SLC9A3: variants seen among roughly 807,000 people sequenced by gnomAD.
SLC9A3 encodes the protein sodium/hydrogen exchanger 3.
Under a neutral mutation model 86.8 loss-of-function variants are expected in SLC9A3, and 37 were observed. That is an observed-to-expected ratio of 0.43 (90% CI 0.33 to 0.56). The LOEUF (loss-of-function observed/expected upper bound fraction) is 0.56, where lower values mean the gene tolerates loss of function less well. Ranked by LOEUF, SLC9A3 falls within the 20% of genes least tolerant of loss-of-function variation. The pLI, the probability that SLC9A3 is intolerant of heterozygous loss-of-function variation, is 0.06. For missense variants in SLC9A3, 1,011 were observed against 1,171.9 expected, an observed-to-expected ratio of 0.86 and a Z score of 2.00; for synonymous variants, 581 against 528.3, an observed-to-expected ratio of 1.10 and a Z score of -1.37.
chr5:502,124 C>T (rs1420802078), intron 1 of SLC9A3, among the ~76,000 whole-genome samples: 1 of 152,266 alleles, frequency 6.6e-6, no homozygotes, highest in East Asian at 1.9e-4. Flanking sequence ...ATGTTGCCCA[C>T]GGTTCCCTAG....
intron 1 of SLC9A3, among the ~76,000 whole-genome samples, chr5:494,789 C>T (rs1476014711): frequency 6.6e-6 from 1 of 152,216 alleles, no homozygotes; most frequent in Non-Finnish European, 1.5e-5. Flanking sequence ...CCTAGCAAAG[C>T]CGGGCACAGC....
intron 8 of SLC9A3, among the ~76,000 whole-genome samples, 189 bp from the exon 9 acceptor site, chr5:481,824 G>A (rs1326011953): frequency 1.7e-4 from 11 of 64,274 alleles, no homozygotes; most frequent in African/African-American, 6.5e-4. Flanking sequence ...CACCCCCCAA[G>A]CCCCAGACCA....
chr5:506,032 A>C (rs1227800798), intron 1 of SLC9A3, among the ~76,000 whole-genome samples: 1 of 152,036 alleles, frequency 6.6e-6, no homozygotes, highest in African/African-American at 2.4e-5. Context: ...TTTATCCCTC[A>C]GGAGAGGATC....
rs1482695290 is a variant in SLC9A3, at chr5:473,216, C to G, written c.*163G>C. 7 of 761,690 alleles carry G rather than the reference C, an allele frequency of 9.2e-6. No homozygotes were observed. In the South Asian group the frequency reaches 3.7e-4, roughly 40 times the overall value. 47.2% of individuals were successfully genotyped at this position (761,690 alleles called of 1,614,324 possible). On this transcript the variant is annotated 3_prime_UTR_variant, in exon 17 of 17. Transcript: ENST00000264938. ...GCTCTGCGGGCGCAGGCGCGGCACT[C>G]TCGGAGTTCTGCGCAGGCGCTGGCG... is the stretch of plus-strand genomic sequence containing the variant.
rs1738658280 is a variant in SLC9A3 at position 475,405 on chromosome 5, A to AG, written c.2251+155dup. On this transcript the variant is annotated intron_variant, in intron 15 of 16. Coordinates refer to ENST00000264938, the MANE Select transcript of SLC9A3 (RefSeq NM_004174.4). ...CGGACAGCAGCCTCCGAGTTGGTTGAGGGGGCACTCAGTGGGTGCCAAGCA... is the reference window on the plus strand; with the variant it reads ...CGGACAGCAGCCTCCGAGTTGGTTGAGGGGGGCACTCAGTGGGTGCCAAGCA... 17 of 625,116 alleles carry AG rather than the reference A, an allele frequency of 2.7e-5. No individual in the cohort carries two copies. In the South Asian group the frequency reaches 3.3e-4, roughly 12 times the overall value. 38.7% of individuals were successfully genotyped at this position (625,116 alleles called of 1,614,324 possible). A position where few individuals can be genotyped will look rare whatever the true frequency, so the allele number is the denominator to read the frequency against.
Position 497,527 on chromosome 5 carries a change from T to A in SLC9A3, c.212-5456A>T, listed in dbSNP as rs575146950. ...ACCTGTCGGAGCCACTCGTTCACGT[T>A]TATCTCTGTCTGGTTGTCAGAATAA... is the stretch of plus-strand genomic sequence containing the variant. On this transcript the variant is annotated intron_variant, in intron 1 of 16. Transcript: ENST00000264938. The surrounding 1 kb of genome is among the most constrained non-coding windows in gnomAD (Gnocchi z 5.4). Among the ~76,000 whole-genome samples the A allele has an allele frequency of 3.2e-4, 48 of 152,358 alleles. No homozygotes were observed. The highest frequency in any genetic ancestry group is 1.1e-3 in the African/African-American group (46 of 41,584).
In SLC9A3 at chr5:476,529, C is replaced by T; in HGVS notation, c.1890+14G>A. ...CCCTGCGGGGTCCTCCAGCCCCCAGCCCGCAGTGCCCACCTCCTGCCGCGG... is the reference window on the plus strand; with the variant it reads ...CCCTGCGGGGTCCTCCAGCCCCCAGTCCGCAGTGCCCACCTCCTGCCGCGG... On this transcript the variant is annotated intron_variant, in intron 12 of 16. Transcript: ENST00000264938. The T allele has an allele frequency of 1.2e-6, 2 of 1,609,648 alleles. No individual in the cohort carries two copies. Among genetic ancestry groups the T allele is most frequent in the Non-Finnish European group, 1.7e-6 (2 of 1,179,048 alleles).
At chr5:478,239 C>A (rs1367310528) in intron 10 of SLC9A3, 1 of 152,290 alleles carries the variant, frequency 6.6e-6, no homozygotes, top group African/African-American at 2.4e-5. Flanking sequence ...GGGCCCTCCG[C>A]CTGCTCTTTT....
intron 2 of SLC9A3, among the ~76,000 whole-genome samples, 181 bp from the exon 3 acceptor site, chr5:488,657 C>A (rs892514476): frequency 1.9e-4 from 29 of 152,272 alleles, no homozygotes; most frequent in African/African-American, 7.0e-4. Flanking sequence ...CCAGGGAAGG[C>A]TGCTGTCTTC....
chr5:499,768 G>A (rs76867329), intron 1 of SLC9A3, among the ~76,000 whole-genome samples: 1 of 152,200 alleles, frequency 6.6e-6, no homozygotes, highest in Non-Finnish European at 1.5e-5. Context: ...ATAATGCCAA[G>A]GTGGCTCCTA....
chr5:515,434 C>A (rs886501827), intron 1 of SLC9A3, among the ~76,000 whole-genome samples: 5 of 152,104 alleles, frequency 3.3e-5, no homozygotes, highest in Admixed American at 3.3e-4. Context: ...CCTAGACTGA[C>A]GACACGACAC....
At chr5:511,529 C>A (rs1195645024) in intron 1 of SLC9A3, among the ~76,000 whole-genome samples, 1 of 152,212 alleles carries the variant, frequency 6.6e-6, no homozygotes, top group African/African-American at 2.4e-5. Flanking sequence ...GGCAAGTAAG[C>A]CCCTGAAATA....
Position 473,273 on chromosome 5 carries a change from CT to C in SLC9A3, c.*105del. Reference sequence around the variant, plus strand: ...AGGCGGGGCTCGGGGCTCGCGGTCGCTGTAGCCGCGCGGGGATCTGGGGTTT... The same window carrying C: ...AGGCGGGGCTCGGGGCTCGCGGTCGCGTAGCCGCGCGGGGATCTGGGGTTT... On this transcript the variant is annotated 3_prime_UTR_variant, in exon 17 of 17. Coordinates refer to ENST00000264938, the MANE Select transcript of SLC9A3 (RefSeq NM_004174.4). 8.3e-7 allele frequency: 1 copy of C among 1,210,586 alleles called. No individual in the cohort carries two copies. Among genetic ancestry groups the C allele is most frequent in the Non-Finnish European group, 1.1e-6 (1 of 952,316 alleles). 75.0% of individuals were successfully genotyped at this position (1,210,586 alleles called of 1,614,324 possible).
chr5:514,322 G>GCTGTCCCTCCAGGGGCT (rs1362875361), intron 1 of SLC9A3, among the ~76,000 whole-genome samples: 1 of 152,220 alleles, frequency 6.6e-6, no homozygotes, highest in African/African-American at 2.4e-5. Context: ...TGCCGCCAGG[G>GCTGTCCCTCCAGGGGCT]CTGTCCCTCC....
Position 473,278 on chromosome 5 carries a change from G to T in SLC9A3, c.*101C>A, listed in dbSNP as rs1274585222. On this transcript the variant is annotated 3_prime_UTR_variant, in exon 17 of 17. Transcript: ENST00000264938. The stretch of plus-strand genomic sequence containing the variant: ...GGGCTCGGGGCTCGCGGTCGCTGTA[G>T]CCGCGCGGGGATCTGGGGTTTCTCT... The T allele has an allele frequency of 5.7e-6, 7 of 1,237,422 alleles. No individual in the cohort carries two copies. The East Asian group carries it at 1.3e-4, about 23-fold the overall frequency. 76.7% of individuals were successfully genotyped at this position (1,237,422 alleles called of 1,614,324 possible). A position where few individuals can be genotyped will look rare whatever the true frequency, so the allele number is the denominator to read the frequency against.
chr5:515,027 C>T (rs548597344), intron 1 of SLC9A3, among the ~76,000 whole-genome samples: 6 of 152,158 alleles, frequency 3.9e-5, no homozygotes, highest in Non-Finnish European at 5.9e-5. Context: ...ACTCAAAGGC[C>T]GCCCTCCAGG....
chr5:516,414 T>C (rs1466266000), intron 1 of SLC9A3, among the ~76,000 whole-genome samples: 1 of 152,172 alleles, frequency 6.6e-6, no homozygotes. Context: ...TTCAAGCTCC[T>C]AAAAGTGGTT....
chr5:482,369 G>A (rs1214547463), intron 7 of SLC9A3, among the ~76,000 whole-genome samples, 179 bp downstream of exon 7: 12 of 152,256 alleles, frequency 7.9e-5, no homozygotes, highest in African/African-American at 2.9e-4. Flanking sequence ...AACATTTTTA[G>A]GACAATTATG....
intron 9 of SLC9A3, 105 bp downstream of exon 9, chr5:481,459 CT>C (rs1739159016): frequency 1.0e-6 from 1 of 993,880 alleles, no homozygotes; most frequent in African/African-American, 1.6e-5. Flanking sequence ...CTGACCAAGC[CT>C]GGACTCAAAC....
Sources: gnomAD v4.1 joint callset for allele counts (sites outside exome capture counted in the v4.1 genomes callset) on GRCh38, gnomAD v4.1.1 for gene constraint, Gnocchi (gnomAD v3.1) non-coding constraint, MANE v1.5 for transcripts, NCBI Gene and HGNC (gene_info 2026-07-23, HGNC 2026-07-21) for gene names.